Variants in NKAIN3 observed in about 807,000 individuals in gnomAD.
NKAIN3 encodes the protein sodium/potassium-transporting ATPase subunit beta-1-interacting protein 3.
In NKAIN3, 25 loss-of-function variants were observed where a neutral mutation model predicts 30.2. The ratio of observed to expected loss-of-function variants is 0.83; its 90% confidence interval spans 0.60 to 1.16. The LOEUF is 1.16. NKAIN3 is among the 50% of genes most tolerant of loss of function. The pLI is 0.00. For synonymous variants in NKAIN3, 91 were observed against 89.6 expected (o/e 1.02, Z -0.09); for missense variants, 225 against 254.1 (o/e 0.89, Z 0.78).
chr8:62,852,039 C>A lies in NKAIN3; in HGVS notation c.472-66414C>A, dbSNP rs1431847346. Among the ~76,000 whole-genome samples, 3 of 152,160 alleles carry A rather than the reference C, an allele frequency of 2.0e-5. No individual in the cohort carries two copies. In the East Asian group the frequency reaches 5.8e-4, roughly 29 times the overall value. ...TAGTTTAGAAGGAAAGGTACCAGCT[C>A]CTCCTTCTACCTCTGGTAGAATTCA... On this transcript the variant is annotated intron_variant, in intron 4 of 6. Transcript: ENST00000623646.
At chr8:62,940,484 T>C (rs1032263131) in intron 5 of NKAIN3, among the ~76,000 whole-genome samples, 3 of 152,124 alleles carry the variant, frequency 2.0e-5, no homozygotes, top group African/African-American at 7.2e-5. Flanking sequence ...CATAAGCACA[T>C]GGAACATTCT....
Position 62,370,439 on chromosome 8 carries a change from C to T in NKAIN3, c.54+121312C>T, listed in dbSNP as rs117032094. Among the ~76,000 whole-genome samples the T allele has an allele frequency of 7.9e-5, 12 of 151,908 alleles. No individual in the cohort carries two copies. The East Asian group carries it at 2.3e-3, about 29-fold the overall frequency. On this transcript the variant is annotated intron_variant, in intron 1 of 6. Coordinates refer to ENST00000623646, the MANE Select transcript of NKAIN3 (RefSeq NM_001304533.3). Reference sequence around the variant, plus strand: ...AAAGAAAATGGGGGGGAACAAAAGACAAAAAGCATTAAAAAATCAAACTGC... The same window carrying T: ...AAAGAAAATGGGGGGGAACAAAAGATAAAAAGCATTAAAAAATCAAACTGC...
rs369841792 is a variant in NKAIN3, at chr8:62,849,436, CT to C, written c.472-69010del. Among the ~76,000 whole-genome samples the C allele has an allele frequency of 1.5e-3, 227 of 151,436 alleles. 1 individual carries two copies. Among genetic ancestry groups the C allele is most frequent in the African/African-American group, 5.1e-3 (212 of 41,318 alleles). ...TGTGCCAGGAATGTATCCATTTCCT[CT>C]TTTTTTATGGAAATTTTTTTTATTA... On this transcript the variant is annotated intron_variant, in intron 4 of 6. Coordinates refer to ENST00000623646, the MANE Select transcript of NKAIN3 (RefSeq NM_001304533.3).
intron 4 of NKAIN3, among the ~76,000 whole-genome samples, chr8:62,789,454 A>C (rs912571765): frequency 6.6e-6 from 1 of 152,140 alleles, no homozygotes; most frequent in Non-Finnish European, 1.5e-5. Flanking sequence ...GGGGTTTTCT[A>C]GATATACAAT....
intron 1 of NKAIN3, among the ~76,000 whole-genome samples, chr8:62,269,026 C>T (rs942784388): frequency 2.0e-5 from 3 of 152,154 alleles, no homozygotes; most frequent in Non-Finnish European, 4.4e-5. Flanking sequence ...GTCTGAAATA[C>T]ATCTTCCTGT....
At position 62,308,933 on chromosome 8, in the gene NKAIN3, CTT is replaced by C. The variant is rs1814341925; in HGVS notation, c.54+59807_54+59808del. ...AAAATATATATTCTTTTGCCTCTCT[CTT>C]GGAAAAGTGAGTCATTTACTCAACC... is the stretch of plus-strand genomic sequence containing the variant. On this transcript the variant is annotated intron_variant, in intron 1 of 6. Coordinates refer to ENST00000623646, the MANE Select transcript of NKAIN3 (RefSeq NM_001304533.3). Among the ~76,000 whole-genome samples the C allele has an allele frequency of 4.0e-5, 6 of 150,460 alleles. No individual in the cohort carries two copies. In the South Asian group the frequency reaches 1.2e-3, roughly 31 times the overall value.
chr8:62,452,729 T>C (rs1039927531), intron 1 of NKAIN3, among the ~76,000 whole-genome samples: 8 of 152,212 alleles, frequency 5.3e-5, no homozygotes, highest in African/African-American at 1.9e-4. Flanking sequence ...GATTTCTTAA[T>C]TCCTTATTGA....
chr8:62,512,500 G>C (rs957207005), intron 1 of NKAIN3, among the ~76,000 whole-genome samples: 3 of 152,092 alleles, frequency 2.0e-5, no homozygotes, highest in Admixed American at 2.0e-4. Flanking sequence ...AGATGCCTCC[G>C]TCTTGCCAAC....
chr8:62,944,137 G>A (rs1406704777), intron 5 of NKAIN3, among the ~76,000 whole-genome samples: 1 of 151,944 alleles, frequency 6.6e-6, no homozygotes. Context: ...AACGCCACCT[G>A]TTCTCCAAAA....
At chr8:62,717,749 G>A (rs866277203) in intron 3 of NKAIN3, among the ~76,000 whole-genome samples, 2 of 152,058 alleles carry the variant, frequency 1.3e-5, no homozygotes, top group Admixed American at 6.6e-5. Context: ...CTAGACAATA[G>A]TTCCCAAAAA....
At chr8:62,281,343 T>A (rs1260352944) in intron 1 of NKAIN3, among the ~76,000 whole-genome samples, 2 of 152,252 alleles carry the variant, frequency 1.3e-5, no homozygotes, top group East Asian at 3.9e-4. Flanking sequence ...ATTCATGGAT[T>A]TTTTGAAGGT....
intron 1 of NKAIN3, among the ~76,000 whole-genome samples, chr8:62,553,076 G>C (rs533040992): frequency 2.6e-5 from 4 of 152,228 alleles, no homozygotes; most frequent in Non-Finnish European, 4.4e-5. Flanking sequence ...GTGTATGCTT[G>C]GAAAGTTTAT....
chr8:62,863,527 G>A (rs1407690657), intron 4 of NKAIN3: 1 of 1,393,582 alleles, frequency 7.2e-7, no homozygotes, highest in Non-Finnish European at 1.0e-6. Context: ...TGAACTTGAT[G>A]ATCCAGTTGA....
At chr8:62,483,846 CCTT>C (rs1474782471) in intron 1 of NKAIN3, 3 of 188,248 alleles carry the variant, frequency 1.6e-5, no homozygotes, top group African/African-American at 4.8e-5. Context: ...GCTTCTTAAT[CCTT>C]CTTAAAATGG....
At chr8:62,611,535 T>C (rs1811290346) in intron 3 of NKAIN3, among the ~76,000 whole-genome samples, 1 of 152,178 alleles carries the variant, frequency 6.6e-6, no homozygotes, top group African/African-American at 2.4e-5. Flanking sequence ...AGTGATAACA[T>C]GCAATGTTTG....
chr8:62,864,992 A>G (rs1820374476), intron 4 of NKAIN3, among the ~76,000 whole-genome samples: 1 of 152,176 alleles, frequency 6.6e-6, no homozygotes. Context: ...TCTGGGGAAG[A>G]CTATTCCAGA....
intron 4 of NKAIN3, among the ~76,000 whole-genome samples, chr8:62,781,371 A>G (rs1215093833): frequency 6.6e-6 from 1 of 151,798 alleles, no homozygotes; most frequent in Admixed American, 6.6e-5. Context: ...TACAGATTCG[A>G]TGCAATCTTT....
chr8:62,863,217 C>G, intron 4 of NKAIN3: 2 of 1,557,944 alleles, frequency 1.3e-6, no homozygotes, highest in Non-Finnish European at 8.8e-7. Context: ...ATAACTCAGC[C>G]TGCCTCTTCT....
intron 5 of NKAIN3, among the ~76,000 whole-genome samples, chr8:62,926,573 G>A (rs993980208): frequency 2.6e-5 from 4 of 151,890 alleles, no homozygotes; most frequent in African/African-American, 7.3e-5. Flanking sequence ...TGTCAGTGCC[G>A]CAGATCACCC....
Sources: allele counts gnomAD v4.1 joint callset (sites outside exome capture counted in the v4.1 genomes callset), GRCh38; gene constraint gnomAD v4.1.1; transcripts MANE v1.5; gene names NCBI Gene and HGNC (gene_info 2026-07-23, HGNC 2026-07-21).